Variants in SAMSN1 observed in about 807,000 individuals in gnomAD.
SAMSN1 encodes SAM domain-containing protein SAMSN-1.
SAMSN1 carries 31 observed loss-of-function variants against 42.0 expected under a neutral mutation model. The ratio of observed to expected loss-of-function variants is 0.74; its 90% confidence interval spans 0.55 to 1.00. The LOEUF is 1.00. SAMSN1 is among the 50% of genes least tolerant of loss of function. The pLI, the probability that SAMSN1 is intolerant of heterozygous loss-of-function variation, is 0.00. For missense variants in SAMSN1, 464 were observed against 439.4 expected (o/e 1.06, Z -0.50); for synonymous variants, 178 against 151.9 (o/e 1.17, Z -1.26).
chr21:14,618,677 T>TGTGTGTGTGCGCGC (rs1982910836), intron 2 of SAMSN1, among the ~76,000 whole-genome samples: 1 of 93,762 alleles, frequency 1.1e-5, no homozygotes, highest in Non-Finnish European at 2.3e-5. Context: ...TGTGTGTGTG[T>TGTGTGTGTGCGCGC]GTGTGTGTGT....
At chr21:14,631,107 T>A (rs2123361580) in intron 2 of SAMSN1, among the ~76,000 whole-genome samples, 1 of 152,310 alleles carries the variant, frequency 6.6e-6, no homozygotes, top group Admixed American at 6.5e-5. Flanking sequence ...AGTGACAACA[T>A]CTTAAACACC....
chr21:14,534,316 C>G (rs1045269998), intron 1 of SAMSN1, among the ~76,000 whole-genome samples: 1 of 152,032 alleles, frequency 6.6e-6, no homozygotes. Context: ...TCAGGTAGAC[C>G]GAGTTCAATC....
intron 2 of SAMSN1, among the ~76,000 whole-genome samples, chr21:14,575,045 A>ACT (rs1467566069): frequency 6.6e-6 from 1 of 151,636 alleles, no homozygotes; most frequent in African/African-American, 2.4e-5. Context: ...GATCACGTAA[A>ACT]CTCTCTTGTC....
At chr21:14,491,088 A>G (rs534020363) in intron 7 of SAMSN1, among the ~76,000 whole-genome samples, 23 of 152,290 alleles carry the variant, frequency 1.5e-4, no homozygotes, top group African/African-American at 4.3e-4. Context: ...ACTGTCACAC[A>G]TTATTTAATT....
chr21:14,593,213 C>T (rs1171804385), intron 7 of SAMSN1, among the ~76,000 whole-genome samples: 1 of 151,904 alleles, frequency 6.6e-6, no homozygotes, highest in Non-Finnish European at 1.5e-5. Context: ...GTATTCATAC[C>T]TACATAAAGA....
Position 14,521,216 on chromosome 21 carries a change from G to A in SAMSN1, c.63C>T (p.Ser21=). Residue 21 remains serine, a synonymous_variant, in exon 2 of 8, where the codon AGC becomes AGT. Transcript: ENST00000400566. Reference sequence around the variant, plus strand: ...AACGATCGAAATTCCCAAAACTGCTGCTTCGCTATAAAATAGAAAAGAAAA... The same window carrying A: ...AACGATCGAAATTCCCAAAACTGCTACTTCGCTATAAAATAGAAAAGAAAA... ...EKEKHQKPKR[S]SSFGNFDRFR... 1 of 1,608,812 alleles carries A rather than the reference G, an allele frequency of 6.2e-7. No homozygotes were observed. Among genetic ancestry groups the A allele is most frequent in the Admixed American group, 1.7e-5 (1 of 59,666 alleles).
Position 14,558,893 on chromosome 21 carries a change from G to A in SAMSN1, c.261+23243C>T, listed in dbSNP as rs190860336. On this transcript the variant is annotated intron_variant, in intron 2 of 8. Transcript: ENST00000285670. ...GTGAAGTACTTATTCTGATTTTTAC[G>A]CATATGAAAAACTATTTGAATTTCC... is the stretch of plus-strand genomic sequence containing the variant. Among the ~76,000 whole-genome samples, 26 of 152,016 alleles carry A rather than the reference G, an allele frequency of 1.7e-4. No homozygotes were observed. The East Asian group carries it at 4.4e-3, about 26-fold the overall frequency.
chr21:14,555,907 T>G (rs1980747953), intron 2 of SAMSN1, among the ~76,000 whole-genome samples: 1 of 152,210 alleles, frequency 6.6e-6, no homozygotes, highest in Admixed American at 6.5e-5. Flanking sequence ...TTAACTTTTA[T>G]CTGAACATAG....
At chr21:14,504,443 T>C (rs557239298) in intron 5 of SAMSN1, among the ~76,000 whole-genome samples, 21 of 152,270 alleles carry the variant, frequency 1.4e-4, no homozygotes, top group African/African-American at 4.3e-4. Context: ...GACATGCTTA[T>C]AGAAATGCAA....
At chr21:14,514,470 G>A (rs941891767) in intron 3 of SAMSN1, among the ~76,000 whole-genome samples, 1 of 152,100 alleles carries the variant, frequency 6.6e-6, no homozygotes, top group Admixed American at 6.6e-5. Flanking sequence ...TAAAAAGAAT[G>A]GAAAGCAATT....
chr21:14,563,519 A>G (rs2403786), intron 2 of SAMSN1, among the ~76,000 whole-genome samples: 152,276 of 152,276 alleles, frequency 1, 76,138 homozygotes, highest in Non-Finnish European at 1. Flanking sequence ...TTAAGGCTCA[A>G]AAAAGAGCTG....
chr21:14,565,298 A>C (rs545645512), intron 2 of SAMSN1, among the ~76,000 whole-genome samples: 3 of 151,726 alleles, frequency 2.0e-5, no homozygotes, highest in Admixed American at 2.0e-4. Context: ...AAAAAAAAAA[A>C]AAAAACATGT....
chr21:14,601,469 G>T (rs1443564824), intron 6 of SAMSN1, among the ~76,000 whole-genome samples: 1 of 152,164 alleles, frequency 6.6e-6, no homozygotes, highest in Non-Finnish European at 1.5e-5. Context: ...TGATTAAAGA[G>T]AACCTCATGG....
chr21:14,570,227 G>T (rs1403223857), intron 2 of SAMSN1, among the ~76,000 whole-genome samples: 2 of 152,298 alleles, frequency 1.3e-5, no homozygotes, highest in Admixed American at 6.5e-5. Context: ...GAGAATTTAT[G>T]AGTTCATTTC....
chr21:14,565,162 G>A (rs1252275212), intron 2 of SAMSN1, among the ~76,000 whole-genome samples: 2 of 151,834 alleles, frequency 1.3e-5, no homozygotes, highest in African/African-American at 2.4e-5. Context: ...CGGGCATGGT[G>A]GCATGTACCT....
chr21:14,525,041 A>G (rs1343977250), intron 1 of SAMSN1, among the ~76,000 whole-genome samples: 1 of 152,212 alleles, frequency 6.6e-6, no homozygotes, highest in Non-Finnish European at 1.5e-5. Flanking sequence ...ATAGTTCATC[A>G]ACTAAATAGT....
chr21:14,645,932 C>G (rs930910057), intron 1 of SAMSN1, among the ~76,000 whole-genome samples: 2 of 151,898 alleles, frequency 1.3e-5, no homozygotes, highest in Admixed American at 1.3e-4. Flanking sequence ...AATTAGTGAG[C>G]CTAAAGACAG....
At chr21:14,631,045 G>A (rs971736699) in intron 2 of SAMSN1, among the ~76,000 whole-genome samples, 2 of 152,156 alleles carry the variant, frequency 1.3e-5, no homozygotes, top group Non-Finnish European at 2.9e-5. Flanking sequence ...TAAGACACTA[G>A]ACTCTAAGTG....
intron 2 of SAMSN1, among the ~76,000 whole-genome samples, chr21:14,557,292 TAAC>T (rs1033434402): frequency 2.0e-5 from 3 of 152,176 alleles, no homozygotes; most frequent in African/African-American, 7.2e-5. Flanking sequence ...AAGGAGAAAA[TAAC>T]ATTTCCTCAT....
Sources: allele counts gnomAD v4.1 joint callset (sites outside exome capture counted in the v4.1 genomes callset), GRCh38; gene constraint gnomAD v4.1.1; transcripts MANE v1.5; gene names NCBI Gene and HGNC (gene_info 2026-07-23, HGNC 2026-07-21).